The following FKBP15 variants were observed in gnomAD, a reference collection of about 807,000 sequenced individuals.
FKBP15 encodes FKBP prolyl isomerase family member 15, also known as FK506-binding protein 15.
In FKBP15, 106 loss-of-function variants were observed where a neutral mutation model predicts 158.1. That is an observed-to-expected ratio of 0.67 (90% CI 0.57 to 0.79). The LOEUF (loss-of-function observed/expected upper bound fraction) is 0.79. Among genes scored for constraint, FKBP15 ranks in the 30% least tolerant of loss-of-function variants. The probability of loss-of-function intolerance (pLI) is 0.00; values close to 1 mark genes in which losing one functional copy is unlikely to be tolerated. For missense variants in FKBP15, 1,287 were observed against 1,479.1 expected, an observed-to-expected ratio of 0.87 and a Z score of 2.13; for synonymous variants, 547 against 548.6, an observed-to-expected ratio of 1.00 and a Z score of 0.04.
At chr9:113,206,225 C>T (rs117608792) in intron 4 of FKBP15, 11,593 of 474,602 alleles carry the variant, frequency 0.024, 182 homozygotes, top group South Asian at 0.03. Context: ...CACACGCACC[C>T]CACAATTGAA....
At chr9:113,197,468 G>C (rs1208434999) in intron 8 of FKBP15, among the ~76,000 whole-genome samples, 1 of 152,140 alleles carries the variant, frequency 6.6e-6, no homozygotes. Context: ...AGGGGTTCGA[G>C]ACCAGCCTGG....
Position 113,173,458 on chromosome 9 carries a change from C to G in FKBP15, c.2527G>C (p.Glu843Gln), listed in dbSNP as rs546154262. The G allele has an allele frequency of 3.1e-6, 5 of 1,612,914 alleles. No individual in the cohort carries two copies. The highest frequency in any genetic ancestry group is 4.2e-6 in the Non-Finnish European group (5 of 1,178,998). ...AYQQKLVQLQ[E>Q]KCLALQAQIT... is the part of the protein sequence containing the mutation. ...GACTCAAGAAAAATATGTACCTTTTCCTGAAGTTGTACCAGCTTCTGCTGG... is the reference window on the plus strand; with the variant it reads ...GACTCAAGAAAAATATGTACCTTTTGCTGAAGTTGTACCAGCTTCTGCTGG... Residue 843 changes from glutamate to glutamine, a missense_variant, in exon 23 of 28, where the codon GAA becomes CAA. Physicochemically the swap from Glu to Gln is conservative, Grantham distance 29. Transcript: ENST00000238256.
chr9:113,176,206 T>A (rs1434878080), intron 21 of FKBP15, among the ~76,000 whole-genome samples: 61 of 152,310 alleles, frequency 4.0e-4, no homozygotes, highest in Non-Finnish European at 1.5e-4. Context: ...AAGATCTCCT[T>A]CTTATGTAGT....
In FKBP15 at chr9:113,168,481, C is replaced by T; in HGVS notation, c.3561G>A (p.Glu1187=). The T allele has an allele frequency of 6.2e-7, 1 of 1,614,002 alleles. No individual in the cohort carries two copies. Among genetic ancestry groups the T allele is most frequent in the Non-Finnish European group, 8.5e-7 (1 of 1,179,848 alleles). ...LKALRPKAQP[E]EEDEDEVSMK... is the part of the protein sequence containing the mutation. ...TTACCACCTCGTCTTCATCCTCCTC[C>T]TCAGGCTGTGCTTTGGGCCTCAGAG... is the stretch of plus-strand genomic sequence containing the variant. Residue 1187 remains glutamate, a synonymous_variant, in exon 27 of 28, where the codon GAG becomes GAA. Transcript: ENST00000238256.
At chr9:113,169,174 T>G (rs368120473) in intron 26 of FKBP15, 50 bp downstream of exon 26, 48 of 1,545,798 alleles carry the variant, frequency 3.1e-5, no homozygotes, top group Middle Eastern at 1.8e-4. Flanking sequence ...ACAGAGACAC[T>G]CACCACAGAT....
In FKBP15 at chr9:113,190,421, A is replaced by G. The variant is rs112988215; in HGVS notation, c.1173+50T>C. ...TCACTCCAACCAAATGAAAAGAAAG[A>G]TGATGGCGACATCTGTACTATTCAT... is the stretch of plus-strand genomic sequence containing the variant. On this transcript the variant is annotated intron_variant, in intron 12 of 27. Transcript: ENST00000238256. 3.0e-3 allele frequency: 4,236 copies of G among 1,390,618 alleles called. 95 individuals carry two copies. In the African/African-American group the frequency reaches 0.05, roughly 17 times the overall value. 86.1% of individuals were successfully genotyped at this position (1,390,618 alleles called of 1,614,324 possible).
chr9:113,182,777 C>T lies in FKBP15; in HGVS notation c.1903G>A (p.Glu635Lys). Residue 635 changes from glutamate to lysine, a missense_variant, in exon 19 of 28, where the codon GAA becomes AAA. By Grantham distance (56) the Glu-to-Lys change is moderately conservative. Coordinates refer to ENST00000238256, the MANE Select transcript of FKBP15 (RefSeq NM_015258.2). The stretch of plus-strand genomic sequence containing the variant: ...CCCAGTTGCTTTACCTTCTCTTGTT[C>T]AGCATGCAATACTCTTGCCTGTGTG... ...ENTQARVLHA[E>K]QEKAKVTEEL... 6.2e-7 allele frequency: 1 copy of T among 1,613,566 alleles called. No individual in the cohort carries two copies. Among genetic ancestry groups the T allele is most frequent in the Non-Finnish European group, 8.5e-7 (1 of 1,179,566 alleles).
At chr9:113,192,379 G>A (rs556137122) in intron 11 of FKBP15, among the ~76,000 whole-genome samples, 1 of 152,310 alleles carries the variant, frequency 6.6e-6, no homozygotes, top group East Asian at 1.9e-4. Context: ...GAAGGCCACA[G>A]GGCTTTAGAA....
At chr9:113,207,358 A>ATTTTTTTTTG (rs1399789947) in intron 2 of FKBP15, 62 bp from the exon 3 acceptor site, 1 of 1,050,034 alleles carries the variant, frequency 9.5e-7, no homozygotes, top group Non-Finnish European at 1.3e-6. Flanking sequence ...ATTTTTTTTA[A>ATTTTTTTTTG]AGACGGAGTT....
chr9:113,210,069 A>G (rs900953227), intron 2 of FKBP15, among the ~76,000 whole-genome samples: 3 of 152,182 alleles, frequency 2.0e-5, no homozygotes, highest in African/African-American at 7.2e-5. Context: ...GTGCCTACTT[A>G]GAGTGCCTTG....
chr9:113,214,232 TG>T (rs1433984600), intron 1 of FKBP15, among the ~76,000 whole-genome samples: 1 of 152,206 alleles, frequency 6.6e-6, no homozygotes, highest in Non-Finnish European at 1.5e-5. Flanking sequence ...TGGGCTCAAG[TG>T]ATCCACCCAC....
Position 113,162,985 on chromosome 9 carries a change from C to A in FKBP15, c.*3093G>T. ...GCCCCCTCTTCCAGACACTATACTTCCAACTGCCCTTTCTTCTGATGGCTA... is the reference window on the plus strand; with the variant it reads ...GCCCCCTCTTCCAGACACTATACTTACAACTGCCCTTTCTTCTGATGGCTA... On this transcript the variant is annotated 3_prime_UTR_variant, in exon 28 of 28. Transcript: ENST00000238256. The A allele has an allele frequency of 7.3e-7, 1 of 1,368,868 alleles. No individual in the cohort carries two copies. The highest frequency in any genetic ancestry group is 9.8e-7 in the Non-Finnish European group (1 of 1,024,654). 84.8% of individuals were successfully genotyped at this position (1,368,868 alleles called of 1,614,324 possible).
At chr9:113,183,608 A>C in intron 18 of FKBP15, 143 bp downstream of exon 18, 1 of 606,554 alleles carries the variant, frequency 1.6e-6, no homozygotes, top group Non-Finnish European at 2.9e-6. Flanking sequence ...CTCAGAAAAC[A>C]GGCAATAATT....
intron 21 of FKBP15, 102 bp downstream of exon 21, chr9:113,176,435 T>C: frequency 7.7e-7 from 1 of 1,305,126 alleles, no homozygotes; most frequent in Non-Finnish European, 1.0e-6. Flanking sequence ...TTCTATATTA[T>C]TTGTATTTGT....
chr9:113,169,173 C>G (rs1187174797), intron 26 of FKBP15, 51 bp downstream of exon 26: 2 of 1,544,932 alleles, frequency 1.3e-6, no homozygotes, highest in East Asian at 4.5e-5. Context: ...AACAGAGACA[C>G]TCACCACAGA....
intron 18 of FKBP15, among the ~76,000 whole-genome samples, chr9:113,183,235 T>C (rs897731934): frequency 6.6e-6 from 1 of 152,068 alleles, no homozygotes. Flanking sequence ...AAGAGAAATA[T>C]GGGAGAATGA....
intron 21 of FKBP15, among the ~76,000 whole-genome samples, chr9:113,175,865 T>C (rs542071189): frequency 6.6e-6 from 1 of 152,172 alleles, no homozygotes; most frequent in African/African-American, 2.4e-5. Context: ...AAGTGATATA[T>C]GTAGAGTGGG....
intron 15 of FKBP15, among the ~76,000 whole-genome samples, chr9:113,185,210 G>T (rs1365744073): frequency 2.0e-5 from 3 of 152,216 alleles, no homozygotes; most frequent in African/African-American, 7.2e-5. Flanking sequence ...CTGGGAGACT[G>T]ACATGTAAAC....
At chr9:113,210,132 A>C (rs1830971095) in intron 2 of FKBP15, among the ~76,000 whole-genome samples, 1 of 152,152 alleles carries the variant, frequency 6.6e-6, no homozygotes, top group East Asian at 1.9e-4. Context: ...TTGCTTTCGA[A>C]CCTCTCCATC....
Sources: allele counts gnomAD v4.1 joint callset (sites outside exome capture counted in the v4.1 genomes callset), GRCh38; gene constraint gnomAD v4.1.1; transcripts MANE v1.5; gene names NCBI Gene and HGNC (gene_info 2026-07-23, HGNC 2026-07-21).